MBOAT2: variants seen among roughly 807,000 people sequenced by gnomAD.
The protein encoded by MBOAT2 is membrane-bound glycerophospholipid O-acyltransferase 2.
A neutral mutation model predicts 63.4 loss-of-function variants in MBOAT2; 28 were observed. The observed-to-expected ratio is 0.44, with a 90% CI of 0.33 to 0.61. The LOEUF is 0.61. Ranked by LOEUF, MBOAT2 falls within the 20% of genes least tolerant of loss-of-function variation. The pLI, the probability that MBOAT2 is intolerant of heterozygous loss-of-function variation, is 0.03. For synonymous variants in MBOAT2, 211 were observed against 215.6 expected (o/e 0.98, Z 0.19); for missense variants, 470 against 605.8 (o/e 0.78, Z 2.35).
intron 3 of MBOAT2, among the ~76,000 whole-genome samples, chr2:8,922,638 T>C (rs950128199): frequency 2.0e-5 from 3 of 152,224 alleles, no homozygotes; most frequent in African/African-American, 7.2e-5. Flanking sequence ...CAATGATTAG[T>C]CGGAGCTTAT....
At position 8,924,721 on chromosome 2, in the gene MBOAT2, T is replaced by A. The variant is rs546306665; in HGVS notation, c.300-16005A>T. Among the ~76,000 whole-genome samples, 133 of 150,646 alleles carry A rather than the reference T, an allele frequency of 8.8e-4. 1 individual carries two copies. Among genetic ancestry groups the A allele is most frequent in the African/African-American group, 3.1e-3 (125 of 40,846 alleles). On this transcript the variant is annotated intron_variant, in intron 3 of 12. Coordinates refer to ENST00000305997, the MANE Select transcript of MBOAT2 (RefSeq NM_138799.4). ...GGTTCAGCTGCTTTTTTTTTTTTTT[T>A]AACAAAATCTAACTTTTGTTCCCAC... is the stretch of plus-strand genomic sequence containing the variant.
At position 8,854,526 on chromosome 2, in the gene MBOAT2, T is replaced by C. The variant is rs1372664429; in HGVS notation, c.*4153A>G. ...ATATCTAAAACTCTGGACAAATTTT[T>C]AGCTGACACAGATATAGTAGGCACT... On this transcript the variant is annotated 3_prime_UTR_variant, in exon 13 of 13. Coordinates refer to ENST00000305997, the MANE Select transcript of MBOAT2 (RefSeq NM_138799.4). 6.6e-6 allele frequency: 1 copy of C among 152,240 alleles called. No homozygotes were observed. The highest frequency in any genetic ancestry group is 1.5e-5 in the Non-Finnish European group (1 of 68,040). The allele number at this position is 152,240 out of a possible 1,614,324, so 9.4% of individuals were successfully genotyped here.
intron 3 of MBOAT2, among the ~76,000 whole-genome samples, chr2:8,914,549 A>G (rs1666014101): frequency 6.6e-6 from 1 of 152,154 alleles, no homozygotes; most frequent in South Asian, 2.1e-4. Context: ...GGAATTGAAA[A>G]TAAAGAATAT....
At chr2:8,928,610 A>C (rs1471785181) in intron 3 of MBOAT2, among the ~76,000 whole-genome samples, 1 of 152,210 alleles carries the variant, frequency 6.6e-6, no homozygotes, top group Non-Finnish European at 1.5e-5. Flanking sequence ...AGAATTTTAA[A>C]AAATCTGTTA....
rs758329603 is a variant in MBOAT2 at position 8,936,822 on chromosome 2, G to GA, written c.299+6364dup. Among the ~76,000 whole-genome samples, 45 of 139,738 alleles carry GA rather than the reference G, an allele frequency of 3.2e-4. No individual in the cohort carries two copies. The East Asian group carries it at 3.3e-3, about 10-fold the overall frequency. 91.7% of individuals were successfully genotyped at this position (139,738 alleles called of 152,430 possible). ...AAAAAAAAAGAAAAGAAAAAGAAAA[G>GA]AAAAAAAAAGAAAGAAAGAAAGAAA... On this transcript the variant is annotated intron_variant, in intron 3 of 12. Transcript: ENST00000305997.
chr2:8,957,313 G>A (rs920546431), intron 2 of MBOAT2, among the ~76,000 whole-genome samples: 3 of 152,156 alleles, frequency 2.0e-5, no homozygotes, highest in African/African-American at 7.2e-5. Flanking sequence ...TTAAAAAACT[G>A]TGATGATATA....
Position 8,943,355 on chromosome 2 carries a change from C to T in MBOAT2, c.222-91G>A, listed in dbSNP as rs1668182359. 3 of 668,880 alleles carry T rather than the reference C, an allele frequency of 4.5e-6. 1 individual carries two copies. In the South Asian group the frequency reaches 8.4e-5, roughly 19 times the overall value. 41.4% of individuals were successfully genotyped at this position (668,880 alleles called of 1,614,324 possible). On this transcript the variant is annotated intron_variant, in intron 2 of 12. Transcript: ENST00000305997. ...TAAGCTAAAAAATACTTATGCATAACACAGTATTCCCAGAAAAAAAAATAA... is the reference window on the plus strand; with the variant it reads ...TAAGCTAAAAAATACTTATGCATAATACAGTATTCCCAGAAAAAAAAATAA...
chr2:8,895,440 C>T (rs756719790), intron 4 of MBOAT2, among the ~76,000 whole-genome samples: 42 of 152,174 alleles, frequency 2.8e-4, no homozygotes, highest in Non-Finnish European at 4.9e-4. Context: ...GGTGCATTTA[C>T]AATCCTTGAG....
Position 8,858,693 on chromosome 2 carries a change from A to G in MBOAT2, c.1549T>C (p.Ser517Pro). ...AGCCTTCCCGATCACTGCTTTAGTGATGAATGTCTCGAGGCTATTTCTTGA... is the reference window on the plus strand; with the variant it reads ...AGCCTTCCCGATCACTGCTTTAGTGGTGAATGTCTCGAGGCTATTTCTTGA... ...QNQEIASRHS[S>P]LKQ The change falls in exon 13 of 13, where the codon TCA (serine) becomes CCA (proline). Residue 517 changes from serine to proline, a missense_variant. Physicochemically the swap from Ser to Pro is moderately conservative, Grantham distance 74. This residue lies in a region of MBOAT2 where 90 missense variants were observed against 84.9 expected (regional missense o/e 1.06). Coordinates refer to ENST00000305997, the MANE Select transcript of MBOAT2 (RefSeq NM_138799.4). 1 of 1,611,482 alleles carries G rather than the reference A, an allele frequency of 6.2e-7. No individual in the cohort carries two copies. Among genetic ancestry groups the G allele is most frequent in the Non-Finnish European group, 8.5e-7 (1 of 1,178,538 alleles).
chr2:8,859,641 AT>A (rs1365114087), intron 12 of MBOAT2, among the ~76,000 whole-genome samples: 4 of 152,162 alleles, frequency 2.6e-5, no homozygotes, highest in African/African-American at 4.8e-5. Flanking sequence ...TGATTCAATA[AT>A]TTTTTTACGA....
At chr2:8,893,651 T>G (rs1274921119) in intron 4 of MBOAT2, among the ~76,000 whole-genome samples, 2 of 152,222 alleles carry the variant, frequency 1.3e-5, no homozygotes, top group East Asian at 3.8e-4. Flanking sequence ...CTGGAGAAGC[T>G]TTCTCTTGAG....
At chr2:8,888,138 T>A in intron 4 of MBOAT2, 65 bp from the exon 5 acceptor site, 1 of 1,437,956 alleles carries the variant, frequency 7.0e-7, no homozygotes, top group South Asian at 1.2e-5. Flanking sequence ...TTATGACATA[T>A]GAGTTAAGAG....
chr2:8,980,968 A>T (rs1048644929), intron 1 of MBOAT2, among the ~76,000 whole-genome samples: 1 of 152,226 alleles, frequency 6.6e-6, no homozygotes, highest in Non-Finnish European at 1.5e-5. Flanking sequence ...CCATCAACAG[A>T]TGCATAAATA....
At chr2:8,896,423 T>C (rs1315393391) in intron 4 of MBOAT2, among the ~76,000 whole-genome samples, 1 of 87,722 alleles carries the variant, frequency 1.1e-5, no homozygotes, top group Non-Finnish European at 2.2e-5. Context: ...TCGGTGGTTT[T>C]GGAGAGTCAC....
intron 3 of MBOAT2, among the ~76,000 whole-genome samples, chr2:8,920,960 T>C (rs777970550): frequency 3.9e-5 from 6 of 152,200 alleles, no homozygotes; most frequent in Admixed American, 3.3e-4. Context: ...GGCTTACATC[T>C]TTTCCACTCT....
At chr2:8,990,129 A>G (rs1481415191) in intron 1 of MBOAT2, among the ~76,000 whole-genome samples, 1 of 152,198 alleles carries the variant, frequency 6.6e-6, no homozygotes, top group Non-Finnish European at 1.5e-5. Flanking sequence ...CTGAAATTTG[A>G]GGCCTAGGAA....
intron 1 of MBOAT2, among the ~76,000 whole-genome samples, chr2:8,995,673 C>T (rs1005691459): frequency 7.3e-5 from 11 of 149,948 alleles, no homozygotes; most frequent in Non-Finnish European, 1.5e-4. Flanking sequence ...TCACTGCAAG[C>T]TCTGCCTCCC....
At chr2:8,992,623 A>G in intron 1 of MBOAT2, among the ~76,000 whole-genome samples, 1 of 152,368 alleles carries the variant, frequency 6.6e-6, no homozygotes, top group South Asian at 2.1e-4. Flanking sequence ...AAATATATCT[A>G]AAATTATATG....
In MBOAT2 at chr2:8,857,791, A is replaced by G. The variant is rs1337655975; in HGVS notation, c.*888T>C. The G allele has an allele frequency of 6.6e-6, 1 of 152,164 alleles. No individual in the cohort carries two copies. Among genetic ancestry groups the G allele is most frequent in the Non-Finnish European group, 1.5e-5 (1 of 68,016 alleles). 9.4% of individuals were successfully genotyped at this position (152,164 alleles called of 1,614,324 possible). A position where few individuals can be genotyped will look rare whatever the true frequency, so the allele number is the denominator to read the frequency against. On this transcript the variant is annotated 3_prime_UTR_variant, in exon 13 of 13. Transcript: ENST00000305997. ...ACGAAGTCATTCAACTTTTTTTTTA[A>G]GTCTCACATGACGGCGCAGAGCCCT...
Sources: allele counts gnomAD v4.1 joint callset (sites outside exome capture counted in the v4.1 genomes callset), GRCh38; gene constraint gnomAD v4.1.1; regional missense constraint gnomAD v4.1.1; transcripts MANE v1.5; gene names NCBI Gene and HGNC (gene_info 2026-07-23, HGNC 2026-07-21).